Variants in RANBP2 observed in about 807,000 individuals in gnomAD.
RANBP2 encodes RAN binding protein 2.
Under a neutral mutation model 303.6 loss-of-function variants are expected in RANBP2, and 57 were observed. The ratio of observed to expected loss-of-function variants is 0.19; its 90% confidence interval spans 0.15 to 0.23. The LOEUF (loss-of-function observed/expected upper bound fraction) is 0.23. Ranked by LOEUF, RANBP2 falls within the 10% of genes least tolerant of loss-of-function variation. The pLI is 1.00. For missense variants in RANBP2, 3,138 were observed against 3,780.8 expected (o/e 0.83, Z 4.46); for synonymous variants, 1,167 against 1,301.5 (o/e 0.90, Z 2.23).
intron 1 of RANBP2, among the ~76,000 whole-genome samples, chr2:108,722,827 G>T (rs1255478698): frequency 7.2e-6 from 1 of 139,574 alleles, no homozygotes; most frequent in Non-Finnish European, 1.5e-5. Flanking sequence ...GGAGGCAGAG[G>T]TTGTGGTGAG....
At chr2:109,093,100 G>C in the RANBP2 span, among the ~76,000 whole-genome samples, 1 of 152,148 alleles carries the variant, frequency 6.6e-6, no homozygotes, top group African/African-American at 2.4e-5. Flanking sequence ...TCATGTCATA[G>C]TTAGCCCTAA....
At chr2:109,084,810 G>A in the RANBP2 span, among the ~76,000 whole-genome samples, 6 of 152,284 alleles carry the variant, frequency 3.9e-5, no homozygotes, top group South Asian at 4.1e-4. Context: ...TATTTTGTTC[G>A]TTTTTTCCAT....
intron 14 of RANBP2, 29 bp downstream of exon 14, chr2:108,753,592 GTTTTA>G (rs1676075686): frequency 6.2e-7 from 1 of 1,600,908 alleles, no homozygotes; most frequent in Non-Finnish European, 8.5e-7. Context: ...TGAGCTAAAA[GTTTTA>G]TTTATTTATT....
At chr2:109,646,187 G>A in the RANBP2 span, among the ~76,000 whole-genome samples, 5 of 152,054 alleles carry the variant, frequency 3.3e-5, no homozygotes, top group South Asian at 2.1e-4. Flanking sequence ...TCCCTTATCC[G>A]TAAGGCAAGA....
the RANBP2 span, among the ~76,000 whole-genome samples, chr2:109,238,132 G>C: frequency 1.3e-5 from 2 of 152,124 alleles, no homozygotes; most frequent in African/African-American, 4.8e-5. Context: ...CCTTGGAGTT[G>C]GAGGCTGCAG....
At chr2:109,559,311 C>G in the RANBP2 span, among the ~76,000 whole-genome samples, 11 of 152,208 alleles carry the variant, frequency 7.2e-5, no homozygotes, top group African/African-American at 2.4e-4. Context: ...CATTTTGCCT[C>G]AACTTTACCC....
the RANBP2 span, chr2:108,794,501 TTAA>T: frequency 4.5e-6 from 7 of 1,544,602 alleles, no homozygotes; most frequent in South Asian, 7.3e-5. Context: ...AAACAATAAG[TTAA>T]TAAAGTTTAT....
chr2:108,910,854 G>A, the RANBP2 span: 4 of 1,614,016 alleles, frequency 2.5e-6, no homozygotes, highest in African/African-American at 2.7e-5. Flanking sequence ...CAACAGGCTG[G>A]GGAGAGAGGA....
the RANBP2 span, among the ~76,000 whole-genome samples, chr2:109,365,122 T>C: frequency 1.3e-5 from 2 of 152,332 alleles, no homozygotes; most frequent in East Asian, 1.9e-4. Flanking sequence ...TTATCCTGTA[T>C]GTGGATCTTA....
the RANBP2 span, among the ~76,000 whole-genome samples, chr2:108,973,759 C>T: frequency 6.6e-6 from 1 of 152,208 alleles, no homozygotes; most frequent in African/African-American, 2.4e-5. Flanking sequence ...ACAAGCTTGG[C>T]TTCCATCTCA....
chr2:109,277,684 C>T, the RANBP2 span, among the ~76,000 whole-genome samples: 6 of 152,192 alleles, frequency 3.9e-5, no homozygotes, highest in Non-Finnish European at 8.8e-5. Context: ...CAGGGTGCCT[C>T]CCATTCATGA....
chr2:108,740,722 G>C lies in RANBP2; in HGVS notation c.975+41G>C, dbSNP rs753796591. The C allele has an allele frequency of 3.8e-6, 6 of 1,597,336 alleles. No individual in the cohort carries two copies. The South Asian group carries it at 5.5e-5, about 15-fold the overall frequency. ...GTAGGAGCAATTGACATTTCACTGA[G>C]TCTTGATGTGTTTGAAATGAAGGTG... On this transcript the variant is annotated intron_variant, in intron 7 of 28. Coordinates refer to ENST00000283195, the MANE Select transcript of RANBP2 (RefSeq NM_006267.5).
chr2:109,158,256 C>T, the RANBP2 span, among the ~76,000 whole-genome samples: 1 of 152,190 alleles, frequency 6.6e-6, no homozygotes, highest in Non-Finnish European at 1.5e-5. Flanking sequence ...ACAGGAAGTC[C>T]AGGGCCACCT....
downstream of RANBP2, chr2:108,786,964 C>CG (rs1678911109): frequency 1.5e-6 from 2 of 1,296,816 alleles, 1 homozygote; most frequent in African/African-American, 3.2e-5. Context: ...TGCTGGGGGG[C>CG]GGCCCGCTCC....
chr2:108,795,298 G>T, the RANBP2 span, among the ~76,000 whole-genome samples: 6 of 151,788 alleles, frequency 4.0e-5, no homozygotes, highest in Non-Finnish European at 8.8e-5. Flanking sequence ...GGGATTACAG[G>T]TGCACCCCAT....
the RANBP2 span, among the ~76,000 whole-genome samples, chr2:109,429,829 A>G: frequency 6.6e-6 from 1 of 152,200 alleles, no homozygotes; most frequent in Admixed American, 6.5e-5. Context: ...GAGCAGAGGT[A>G]GCCCTGCTAG....
chr2:109,091,726 T>A, the RANBP2 span, among the ~76,000 whole-genome samples: 1 of 152,192 alleles, frequency 6.6e-6, no homozygotes, highest in Admixed American at 6.5e-5. Context: ...AGGGGCTGGC[T>A]CTGGTACTGT....
At chr2:109,191,660 C>G in the RANBP2 span, among the ~76,000 whole-genome samples, 3 of 152,132 alleles carry the variant, frequency 2.0e-5, no homozygotes, top group Non-Finnish European at 2.9e-5. Flanking sequence ...GAGCCACTTG[C>G]CCATGGCAGT....
the RANBP2 span, among the ~76,000 whole-genome samples, chr2:109,567,059 G>T: frequency 5.3e-5 from 8 of 151,916 alleles, no homozygotes; most frequent in African/African-American, 1.9e-4. Context: ...ATATAAAAGT[G>T]GTATGAAAAA....
Sources: allele counts gnomAD v4.1 joint callset (sites outside exome capture counted in the v4.1 genomes callset), GRCh38; gene constraint gnomAD v4.1.1; transcripts MANE v1.5; gene names NCBI Gene and HGNC (gene_info 2026-07-23, HGNC 2026-07-21).